CEP112: variants seen among roughly 807,000 people sequenced by gnomAD.
CEP112 encodes the protein centrosomal protein 112, also known as centrosomal protein of 112 kDa.
CEP112 carries 127 observed loss-of-function variants against 153.0 expected under a neutral mutation model. That is an observed-to-expected ratio of 0.83 (90% CI 0.72 to 0.96). The LOEUF is 0.96. CEP112 is among the 40% of genes least tolerant of loss of function. The probability of loss-of-function intolerance (pLI) is 0.00; values close to 1 mark genes in which losing one functional copy is unlikely to be tolerated. For missense variants in CEP112, 1,089 were observed against 1,101.2 expected (o/e 0.99, Z 0.16); for synonymous variants, 358 against 374.4 (o/e 0.96, Z 0.51).
intron 24 of CEP112, among the ~76,000 whole-genome samples, chr17:65,646,919 C>T (rs556540041): frequency 2.0e-5 from 3 of 152,302 alleles, no homozygotes; most frequent in South Asian, 4.1e-4. Context: ...CAACTGGTTC[C>T]AGAGGACTCC....
chr17:65,758,653 C>T (rs978361353), intron 21 of CEP112, among the ~76,000 whole-genome samples: 1 of 152,074 alleles, frequency 6.6e-6, no homozygotes, highest in African/African-American at 2.4e-5. Context: ...ACTATGATAG[C>T]TTTAAAATAT....
intron 23 of CEP112, among the ~76,000 whole-genome samples, chr17:65,696,114 A>C (rs542700996): frequency 1.3e-5 from 2 of 152,136 alleles, no homozygotes; most frequent in African/African-American, 4.8e-5. Context: ...TCTCTTACAC[A>C]TTTTCTGTCA....
intron 4 of CEP112, among the ~76,000 whole-genome samples, chr17:66,172,077 G>A (rs896867791): frequency 6.6e-6 from 1 of 152,142 alleles, no homozygotes; most frequent in African/African-American, 2.4e-5. Flanking sequence ...AAGGGATTTT[G>A]TACAGATTAA....
chr17:65,711,330 T>C (rs893971125), intron 23 of CEP112, among the ~76,000 whole-genome samples: 1 of 152,226 alleles, frequency 6.6e-6, no homozygotes. Flanking sequence ...CATGTGACTT[T>C]GGGCAAGTTA....
intron 16 of CEP112, among the ~76,000 whole-genome samples, chr17:66,021,025 TC>T (rs2064980222): frequency 3.9e-5 from 6 of 152,072 alleles, no homozygotes; most frequent in Admixed American, 3.9e-4. Flanking sequence ...GAAGAGAATG[TC>T]CCTCTGCAAT....
intron 21 of CEP112, among the ~76,000 whole-genome samples, chr17:65,832,886 A>AACAG (rs1327276123): frequency 6.6e-6 from 1 of 152,004 alleles, no homozygotes; most frequent in African/African-American, 2.4e-5. Flanking sequence ...CAAAACCTGG[A>AACAG]ACAGACAAAA....
chr17:65,866,329 C>A (rs186588147), intron 20 of CEP112, among the ~76,000 whole-genome samples: 30 of 152,362 alleles, frequency 2.0e-4, no homozygotes, highest in Admixed American at 6.5e-4. Context: ...CCCCTCCAGA[C>A]TTTGGGCACC....
At chr17:65,654,405 C>T (rs1485118765) in intron 24 of CEP112, among the ~76,000 whole-genome samples, 6 of 152,194 alleles carry the variant, frequency 3.9e-5, no homozygotes, top group Non-Finnish European at 4.4e-5. Flanking sequence ...TCAAACTAAG[C>T]GTGCAGCGCA....
chr17:65,952,738 G>A (rs749239660), intron 18 of CEP112, among the ~76,000 whole-genome samples: 1 of 152,152 alleles, frequency 6.6e-6, no homozygotes, highest in Non-Finnish European at 1.5e-5. Context: ...CAGTGTATAA[G>A]AGCTTCAATT....
chr17:65,823,339 G>C (rs2056684448), intron 21 of CEP112, among the ~76,000 whole-genome samples: 1 of 152,108 alleles, frequency 6.6e-6, no homozygotes, highest in Non-Finnish European at 1.5e-5. Flanking sequence ...TAGACATATA[G>C]ATTAATAGAA....
chr17:66,183,341 T>G (rs370400863), intron 1 of CEP112, 34 bp from the exon 2 acceptor site: 2 of 1,433,128 alleles, frequency 1.4e-6, no homozygotes, highest in African/African-American at 2.8e-5. Flanking sequence ...TATTAAGGAT[T>G]TGTATGCTGA....
At chr17:65,642,561 G>GA (rs2045202427) in intron 24 of CEP112, among the ~76,000 whole-genome samples, 1 of 152,120 alleles carries the variant, frequency 6.6e-6, no homozygotes, top group East Asian at 1.9e-4. Flanking sequence ...ATACCTAAAG[G>GA]AAAAAAAGAA....
intron 23 of CEP112, among the ~76,000 whole-genome samples, chr17:65,729,005 C>G (rs548612749): frequency 6.6e-6 from 1 of 152,252 alleles, no homozygotes; most frequent in Admixed American, 6.5e-5. Context: ...CTTTTTGACT[C>G]TTTGGTAATA....
intron 20 of CEP112, among the ~76,000 whole-genome samples, chr17:65,864,150 A>AAC (rs2058406044): frequency 6.6e-6 from 1 of 151,798 alleles, no homozygotes; most frequent in Non-Finnish European, 1.5e-5. Flanking sequence ...AAAAAAAAAA[A>AAC]AAGTGAGTGC....
At chr17:65,947,381 A>G (rs2061684704) in intron 18 of CEP112, among the ~76,000 whole-genome samples, 1 of 152,198 alleles carries the variant, frequency 6.6e-6, no homozygotes, top group African/African-American at 2.4e-5. Flanking sequence ...AATAAATGAA[A>G]GAAAAAATCC....
chr17:66,002,056 AG>A (rs2064078018), intron 17 of CEP112, among the ~76,000 whole-genome samples: 1 of 152,256 alleles, frequency 6.6e-6, no homozygotes, highest in East Asian at 1.9e-4. Context: ...TTTCATTTTT[AG>A]AAACAATAGC....
chr17:65,982,746 G>A (rs527363124), intron 17 of CEP112, among the ~76,000 whole-genome samples: 62 of 152,262 alleles, frequency 4.1e-4, no homozygotes, highest in African/African-American at 1.5e-3. Context: ...GTACTCAAGC[G>A]AGTAATTATA....
chr17:65,804,683 T>C (rs1372865645), intron 21 of CEP112, among the ~76,000 whole-genome samples: 1 of 152,104 alleles, frequency 6.6e-6, no homozygotes, highest in Admixed American at 6.6e-5. Flanking sequence ...TTTTCAAAAC[T>C]AGACAAATTT....
At chr17:65,663,939 G>A (rs994358174) in intron 24 of CEP112, among the ~76,000 whole-genome samples, 12 of 152,264 alleles carry the variant, frequency 7.9e-5, no homozygotes, top group African/African-American at 2.2e-4. Context: ...CCAGCTACTC[G>A]GCAGGCTGAG....
Sources: gnomAD v4.1 joint callset for allele counts (sites outside exome capture counted in the v4.1 genomes callset) on GRCh38, gnomAD v4.1.1 for gene constraint, MANE v1.5 for transcripts, NCBI Gene and HGNC (gene_info 2026-07-23, HGNC 2026-07-21) for gene names.